The following ASAH1 variants were observed in gnomAD, a reference collection of about 807,000 sequenced individuals.
ASAH1 encodes the protein acid ceramidase.
A neutral mutation model predicts 59.5 loss-of-function variants in ASAH1; 70 were observed. The observed-to-expected ratio is 1.18, with a 90% CI of 0.97 to 1.43. ASAH1 has a LOEUF of 1.43. Ranked by LOEUF, ASAH1 falls within the 40% of genes most tolerant of loss-of-function variation. The pLI is 0.00. For synonymous variants in ASAH1, 213 were observed against 166.5 expected (o/e 1.28, Z -2.15); for missense variants, 660 against 482.5 (o/e 1.37, Z -3.45).
intron 5 of ASAH1, chr8:18,066,994 G>A (rs1318283909): frequency 2.7e-6 from 1 of 372,390 alleles, no homozygotes; most frequent in Non-Finnish European, 5.0e-6. Flanking sequence ...AAAGGGGCAT[G>A]ATGGAGCATC....
chr8:18,061,741 C>A lies in ASAH1; in HGVS notation c.649-1G>T, dbSNP rs112189705. On this transcript the variant is annotated splice_acceptor_variant, in intron 8 of 13. Coordinates refer to ENST00000637790, the MANE Select transcript of ASAH1 (RefSeq NM_177924.5). LOFTEE classifies it high-confidence loss of function. ...CATTCAGTGTAAGACTGAACAGTCC[C>A]TGAGAAAAAGACAAAGCAACGAAGT... 1 of 1,570,236 alleles carries A rather than the reference C, an allele frequency of 6.4e-7. No individual in the cohort carries two copies. The highest frequency in any genetic ancestry group is 1.4e-5 in the African/African-American group (1 of 73,768).
intron 7 of ASAH1, chr8:18,062,795 G>C: frequency 5.3e-6 from 2 of 374,668 alleles, no homozygotes; most frequent in South Asian, 5.1e-5. Context: ...CACATTTTGG[G>C]TGTGACTTGG....
chr8:18,084,082 C>T lies in ASAH1; in HGVS notation c.-24G>A, dbSNP rs758712362. 18 of 1,597,928 alleles carry T rather than the reference C, an allele frequency of 1.1e-5. No individual in the cohort carries two copies. Among genetic ancestry groups the T allele is most frequent in the Non-Finnish European group, 1.3e-5 (15 of 1,179,576 alleles). ...ATCGCTCTAGCAGCCAACGCCACTCCCCGGACTCCAGCAGAGGCAAAGAAG... is the reference window on the plus strand; with the variant it reads ...ATCGCTCTAGCAGCCAACGCCACTCTCCGGACTCCAGCAGAGGCAAAGAAG... On this transcript the variant is annotated 5_prime_UTR_variant, in exon 1 of 14. Coordinates refer to ENST00000637790, the MANE Select transcript of ASAH1 (RefSeq NM_177924.5).
chr8:18,067,135 T>C (rs1296311409), intron 5 of ASAH1, 85 bp downstream of exon 5: 1 of 1,209,990 alleles, frequency 8.3e-7, no homozygotes, highest in Non-Finnish European at 1.2e-6. Flanking sequence ...ATACAGCACC[T>C]GTGCTGTATG....
chr8:18,062,099 G>A (rs1336461294), intron 8 of ASAH1, 180 bp downstream of exon 8: 17 of 815,532 alleles, frequency 2.1e-5, no homozygotes, highest in East Asian at 8.0e-5. Flanking sequence ...AGAAACCTCC[G>A]TTTCCTTTCT....
intron 5 of ASAH1, chr8:18,066,906 T>A: frequency 2.8e-6 from 1 of 351,732 alleles, no homozygotes. Flanking sequence ...GTTCTATTTA[T>A]ACAAAGTTCA....
rs1800165687 is a variant in ASAH1, at chr8:18,071,342, G to C, written c.174C>G (p.Pro58=). 2 of 1,605,258 alleles carry C rather than the reference G, an allele frequency of 1.2e-6. No homozygotes were observed. Among genetic ancestry groups the C allele is most frequent in the Non-Finnish European group, 1.7e-6 (2 of 1,173,882 alleles). ...GCATCAATTCATGCCATCTTTTGTA[G>C]GGTGGTAAGTCAAGATTTATGGTGT... ...PWYTINLDLP[P]YKRWHELMLD... The change falls in exon 3 of 14, where the codon CCC becomes CCG. Residue 58 remains proline, a synonymous_variant. Coordinates refer to ENST00000637790, the MANE Select transcript of ASAH1 (RefSeq NM_177924.5).
rs1040539737 is a variant in ASAH1 at position 18,067,206 on chromosome 8, T to C, written c.382+14A>G. The C allele has an allele frequency of 6.9e-6, 11 of 1,595,112 alleles. No individual in the cohort carries two copies. In the African/African-American group the frequency reaches 1.5e-4, roughly 22 times the overall value. On this transcript the variant is annotated intron_variant, in intron 5 of 13. Coordinates refer to ENST00000637790, the MANE Select transcript of ASAH1 (RefSeq NM_177924.5). Reference sequence around the variant, plus strand: ...TAATTACTTTTTTTTTTAAAGCTTCTAAGTGAACTTTACCTAAAGGTATAT... The same window carrying C: ...TAATTACTTTTTTTTTTAAAGCTTCCAAGTGAACTTTACCTAAAGGTATAT...
intron 10 of ASAH1, chr8:18,059,950 G>A (rs1799624146): frequency 2.5e-6 from 1 of 403,720 alleles, no homozygotes; most frequent in South Asian, 2.3e-5. Flanking sequence ...CCCCTGACAG[G>A]CCCTGGTGCG....
upstream of ASAH1, chr8:18,084,157 G>C (rs1177744235): frequency 7.1e-6 from 11 of 1,559,070 alleles, no homozygotes; most frequent in African/African-American, 2.7e-5. Flanking sequence ...CGTGACCCGC[G>C]ACCTGGGACC....
intron 3 of ASAH1, 111 bp from the exon 4 acceptor site, chr8:18,069,989 T>C (rs953563740): frequency 2.9e-6 from 2 of 695,458 alleles, no homozygotes; most frequent in Non-Finnish European, 4.7e-6. Flanking sequence ...AATTTATATA[T>C]ATATTTTTTA....
intron 8 of ASAH1, 74 bp from the exon 9 acceptor site, chr8:18,061,814 C>G: frequency 1.5e-6 from 2 of 1,362,098 alleles, no homozygotes; most frequent in Non-Finnish European, 2.1e-6. Flanking sequence ...CACTGTACTT[C>G]AGAGTGGGAT....
At chr8:18,063,467 CTACT>C in intron 6 of ASAH1, 12 of 388,824 alleles carry the variant, frequency 3.1e-5, no homozygotes, top group African/African-American at 2.2e-4. Flanking sequence ...CCGCACCTGG[CTACT>C]TTTTTTTTTT....
At chr8:18,076,657 T>C (rs904673376) in intron 1 of ASAH1, 1 of 152,110 alleles carries the variant, frequency 6.6e-6, no homozygotes, top group East Asian at 1.9e-4. Context: ...AGAAAACTCT[T>C]GGAACTGTAG....
intron 2 of ASAH1, among the ~76,000 whole-genome samples, chr8:18,074,071 G>C (rs765307827): frequency 7.0e-4 from 106 of 152,140 alleles, no homozygotes; most frequent in Non-Finnish European, 1.2e-3. Flanking sequence ...TGGTTTGCAG[G>C]GCATTCAATT....
At chr8:18,058,677 T>A in intron 13 of ASAH1, 158 bp downstream of exon 13, 1 of 659,388 alleles carries the variant, frequency 1.5e-6, no homozygotes, top group East Asian at 2.7e-5. Context: ...TATTCCAAAA[T>A]ACAGTTTTAG....
rs375406587 is a variant in ASAH1, at chr8:18,079,849, C to T, written c.78+4132G>A. ...TGAATACAAAGAGGCATGTTTCCTA[C>T]GTGTACAAGAATTCACATGAGCTTG... On this transcript the variant is annotated intron_variant, in intron 1 of 13. Coordinates refer to ENST00000637790, the MANE Select transcript of ASAH1 (RefSeq NM_177924.5). 4.6e-5 allele frequency among the ~76,000 whole-genome samples: 7 copies of T among 152,200 alleles called. No homozygotes were observed. In the East Asian group the frequency reaches 7.7e-4, roughly 17 times the overall value.
chr8:18,084,721 G>C, upstream of ASAH1: 1 of 1,613,744 alleles, frequency 6.2e-7, no homozygotes, highest in Non-Finnish European at 8.5e-7. Flanking sequence ...TTGAGGCCTC[G>C]GTGAAAAGCG....
chr8:18,064,666 G>T, intron 5 of ASAH1, 135 bp from the exon 6 acceptor site: 1 of 635,166 alleles, frequency 1.6e-6, no homozygotes, highest in Non-Finnish European at 2.8e-6. Flanking sequence ...GGAACGGCCG[G>T]CTGGAGGTGG....
Sources: allele counts gnomAD v4.1 joint callset (sites outside exome capture counted in the v4.1 genomes callset), GRCh38; gene constraint gnomAD v4.1.1; transcripts MANE v1.5; gene names NCBI Gene and HGNC (gene_info 2026-07-23, HGNC 2026-07-21).